Variants in EYS observed in about 807,000 individuals in gnomAD.
EYS encodes the protein EGF-like photoreceptor maintenance factor, also known as protein eyes shut homolog.
Under a neutral mutation model 282.1 loss-of-function variants are expected in EYS, and 250 were observed. The ratio of observed to expected loss-of-function variants is 0.89; its 90% CI spans 0.80 to 0.98. The LOEUF (loss-of-function observed/expected upper bound fraction) is 0.98, where lower values mean the gene tolerates loss of function less well. Ranked by LOEUF, EYS falls within the 50% of genes least tolerant of loss-of-function variation. The probability of loss-of-function intolerance (pLI) is 0.00; values close to 1 mark genes in which losing one functional copy is unlikely to be tolerated. For missense variants in EYS, 4,016 were observed against 3,709.0 expected, an observed-to-expected ratio of 1.08 and a Z score of -2.15; for synonymous variants, 1,355 against 1,282.9, an observed-to-expected ratio of 1.06 and a Z score of -1.20.
At chr6:65,689,430 C>T (rs185462816) in intron 1 of EYS, among the ~76,000 whole-genome samples, 3 of 147,550 alleles carry the variant, frequency 2.0e-5, no homozygotes, top group African/African-American at 4.9e-5. Context: ...TGTTAAATGA[C>T]GATTTACTGG....
intron 28 of EYS, among the ~76,000 whole-genome samples, chr6:64,409,241 G>T (rs1279290118): frequency 6.6e-6 from 1 of 152,038 alleles, no homozygotes; most frequent in Non-Finnish European, 1.5e-5. Flanking sequence ...ATTGTAAAAA[G>T]TACTGCAATG....
chr6:65,006,149 T>C (rs1426737211), intron 13 of EYS, among the ~76,000 whole-genome samples: 2 of 151,312 alleles, frequency 1.3e-5, no homozygotes, highest in Middle Eastern at 3.4e-3. Context: ...TGGGACCCGT[T>C]CCCCACCACC....
At chr6:64,900,844 G>T (rs1583276375) in intron 18 of EYS, among the ~76,000 whole-genome samples, 3 of 152,132 alleles carry the variant, frequency 2.0e-5, no homozygotes, top group Non-Finnish European at 4.4e-5. Context: ...GATTCCTCAA[G>T]GATCTAGAAC....
chr6:64,565,013 T>A (rs963975754), intron 26 of EYS, among the ~76,000 whole-genome samples: 3 of 152,194 alleles, frequency 2.0e-5, no homozygotes, highest in Admixed American at 2.0e-4. Flanking sequence ...TGCGTAAATT[T>A]TTTTTCTGTT....
intron 2 of EYS, among the ~76,000 whole-genome samples, chr6:65,505,260 G>C (rs549256982): frequency 6.7e-6 from 1 of 150,332 alleles, no homozygotes; most frequent in Non-Finnish European, 1.5e-5. Flanking sequence ...ATCCCTGTTT[G>C]ATTTATTATA....
Position 65,405,212 on chromosome 6 carries a change from G to A in EYS, c.1018C>T (p.Pro340Ser), listed in dbSNP as rs1766677062. ...ATGCAGTCAGTACCATTCTGACATG[G>A]TACTAATGAAAACTCACTGACATCA... is the stretch of plus-strand genomic sequence containing the variant. The part of the protein sequence containing the change: ...ETDVSEFSLV[P>S]CQNGTDCIKI... Residue 340 changes from proline to serine, a missense_variant, in exon 6 of 43, where the codon CCA (proline) becomes TCA (serine). By Grantham distance (74) the Pro-to-Ser change is moderately conservative. Coordinates refer to ENST00000503581, the MANE Select transcript of EYS (RefSeq NM_001142800.2). 2 of 1,613,028 alleles carry A rather than the reference G, an allele frequency of 1.2e-6. No homozygotes were observed. Among genetic ancestry groups the A allele is most frequent in the Admixed American group, 3.3e-5 (2 of 59,934 alleles).
chr6:64,737,175 T>C (rs1347010680), intron 22 of EYS, among the ~76,000 whole-genome samples: 1 of 152,190 alleles, frequency 6.6e-6, no homozygotes, highest in African/African-American at 2.4e-5. Context: ...TAATCCACTG[T>C]GATATAAAAA....
rs1268301199 is a variant in EYS at position 65,688,431 on chromosome 6, T to G, written c.-448+18704A>C. On this transcript the variant is annotated intron_variant, in intron 1 of 42. Coordinates refer to ENST00000503581, the MANE Select transcript of EYS (RefSeq NM_001142800.2). ...TCCTTACACCTTATACAAAAATTAATTCAAGATGGATTAAAGACCTAAATG... is the reference window on the plus strand; with the variant it reads ...TCCTTACACCTTATACAAAAATTAAGTCAAGATGGATTAAAGACCTAAATG... Among the ~76,000 whole-genome samples the G allele has an allele frequency of 3.3e-5, 5 of 152,158 alleles. No homozygotes were observed. The East Asian group carries it at 9.7e-4, about 30-fold the overall frequency.
In EYS at chr6:64,873,421, A is replaced by G. The variant is rs548070005; in HGVS notation, c.2992+13276T>C. On this transcript the variant is annotated intron_variant, in intron 19 of 42. Coordinates refer to ENST00000503581, the MANE Select transcript of EYS (RefSeq NM_001142800.2). ...AGCAGTGAAATTAATTTTCCACTAC[A>G]ACACCAGAGGAAAGAATCCTTTCAA... Among the ~76,000 whole-genome samples the G allele has an allele frequency of 3.3e-5, 5 of 152,176 alleles. 1 individual carries two copies. In the South Asian group the frequency reaches 6.2e-4, roughly 19 times the overall value.
chr6:65,128,181 G>C (rs1775773180), intron 12 of EYS, among the ~76,000 whole-genome samples: 1 of 151,694 alleles, frequency 6.6e-6, no homozygotes, highest in African/African-American at 2.4e-5. Context: ...TCCGATCAAG[G>C]TAGAAAAAGA....
At chr6:64,112,321 G>C (rs1482580528) in intron 31 of EYS, among the ~76,000 whole-genome samples, 1 of 151,884 alleles carries the variant, frequency 6.6e-6, no homozygotes, top group Non-Finnish European at 1.5e-5. Context: ...GAAAGCTGTT[G>C]GTCAAGAAGT....
At chr6:64,261,186 C>T (rs569666873) in intron 30 of EYS, among the ~76,000 whole-genome samples, 228 of 152,056 alleles carry the variant, frequency 1.5e-3, no homozygotes, top group African/African-American at 5.2e-3. Flanking sequence ...CCCGACCAAC[C>T]CTTCCCAATT....
At chr6:65,519,703 TATATA>T (rs1347533175) in intron 2 of EYS, among the ~76,000 whole-genome samples, 27 of 49,886 alleles carry the variant, frequency 5.4e-4, no homozygotes, top group African/African-American at 2.8e-3. Context: ...TATATATATA[TATATA>T]TTTTTTTTTT....
chr6:64,506,993 G>A (rs573266871), intron 26 of EYS, among the ~76,000 whole-genome samples: 2 of 125,244 alleles, frequency 1.6e-5, no homozygotes, highest in South Asian at 4.6e-4. Context: ...TTTTTGAGAT[G>A]GAGTCTCGCT....
intron 1 of EYS, among the ~76,000 whole-genome samples, chr6:65,653,986 T>A (rs1767737889): frequency 1.3e-5 from 2 of 152,030 alleles, no homozygotes; most frequent in South Asian, 4.1e-4. Flanking sequence ...TTTCCTGCCA[T>A]GGATATCTGA....
intron 35 of EYS, among the ~76,000 whole-genome samples, chr6:63,941,866 G>T (rs559228979): frequency 1.1e-3 from 160 of 152,300 alleles, no homozygotes; most frequent in African/African-American, 3.6e-3. Context: ...GGAAAGCCTG[G>T]ACAATGAGAA....
intron 33 of EYS, among the ~76,000 whole-genome samples, chr6:64,022,589 G>A (rs1769242487): frequency 7.7e-6 from 1 of 129,594 alleles, no homozygotes; most frequent in Non-Finnish European, 1.7e-5. Flanking sequence ...CTAAAACAGA[G>A]TTCAGAGCCA....
At chr6:64,915,581 A>G (rs755929590) in intron 15 of EYS, among the ~76,000 whole-genome samples, 1 of 152,120 alleles carries the variant, frequency 6.6e-6, no homozygotes, top group Non-Finnish European at 1.5e-5. Context: ...GGCCACCTAC[A>G]CTGTTTACTA....
At chr6:65,699,938 C>A (rs2149851239) in intron 1 of EYS, among the ~76,000 whole-genome samples, 1 of 151,416 alleles carries the variant, frequency 6.6e-6, no homozygotes, top group East Asian at 2.0e-4. Flanking sequence ...CATGGTGAAA[C>A]CCTGTCTCTA....
Sources: allele counts gnomAD v4.1 joint callset (sites outside exome capture counted in the v4.1 genomes callset), GRCh38; gene constraint gnomAD v4.1.1; transcripts MANE v1.5; gene names NCBI Gene and HGNC (gene_info 2026-07-23, HGNC 2026-07-21).